Variants in FN1 observed in about 807,000 individuals in gnomAD.
The protein encoded by FN1 is fibronectin 1.
In FN1, 106 loss-of-function variants were observed where a neutral mutation model predicts 297.3. The ratio of observed to expected loss-of-function variants is 0.36; its 90% confidence interval spans 0.30 to 0.42. FN1 has a LOEUF of 0.42. Ranked by LOEUF, FN1 falls within the 10% of genes least tolerant of loss-of-function variation. The probability of loss-of-function intolerance (pLI) is 1.00; values close to 1 mark genes in which losing one functional copy is unlikely to be tolerated. For missense variants in FN1, 2,690 were observed against 3,124.9 expected (o/e 0.86, Z 3.32); for synonymous variants, 1,149 against 1,152.6 (o/e 1.00, Z 0.06).
Position 215,394,591 on chromosome 2 carries a change from C to A in FN1, c.3733G>T (p.Val1245Phe). ...DNLSPGLEYNVSVYTVKDDKE... is the reference protein window; with the variant it reads ...DNLSPGLEYNFSVYTVKDDKE... The stretch of plus-strand genomic sequence containing the variant: ...TCATCCTTGACAGTGTAAACACTGA[C>A]ATTGTACTCCAGGCCGGGACTCAGG... Residue 1245 changes from valine to phenylalanine, a missense_variant, in exon 24 of 46, where the codon GTC becomes TTC. Transcript: ENST00000354785. The A allele has an allele frequency of 6.2e-7, 1 of 1,614,092 alleles. No homozygotes were observed. The highest frequency in any genetic ancestry group is 8.5e-7 in the Non-Finnish European group (1 of 1,179,978).
intron 9 of FN1, 73 bp from the exon 10 acceptor site, chr2:215,422,316 T>C (rs2064546583): frequency 3.5e-6 from 5 of 1,426,036 alleles, no homozygotes; most frequent in East Asian, 4.5e-5. Flanking sequence ...TGCAAAAGGA[T>C]CAGTTCAGTT....
chr2:215,410,162 A>G, intron 13 of FN1, 48 bp from the exon 14 acceptor site: 1 of 1,510,174 alleles, frequency 6.6e-7, no homozygotes, highest in Non-Finnish European at 9.0e-7. Flanking sequence ...CGTGTTTACA[A>G]GGATGAACAT....
At chr2:215,376,270 C>T (rs1467537923) in intron 36 of FN1, among the ~76,000 whole-genome samples, 1 of 152,138 alleles carries the variant, frequency 6.6e-6, no homozygotes, top group Non-Finnish European at 1.5e-5. Context: ...GAAGATCAAA[C>T]TTGTTGATTG....
Position 215,378,169 on chromosome 2 carries a change from A to C in FN1, c.5710+6T>G. 1 of 1,541,136 alleles carries C rather than the reference A, an allele frequency of 6.5e-7. No homozygotes were observed. The highest frequency in any genetic ancestry group is 1.7e-5 in the Admixed American group (1 of 59,914). ...TTTGTCCATATGAAGACATTTTGTT[A>C]CTTACTCTCCAGAGTGGTGACAACT... is the stretch of plus-strand genomic sequence containing the variant. On this transcript the variant is annotated splice_donor_region_variant and intron_variant, in intron 35 of 45. Transcript: ENST00000354785.
chr2:215,361,991 C>G lies in FN1; in HGVS notation c.7340G>C (p.Arg2447Thr). 1.2e-6 allele frequency: 2 copies of G among 1,613,354 alleles called. No individual in the cohort carries two copies. Among genetic ancestry groups the G allele is most frequent in the South Asian group, 1.1e-5 (1 of 91,052 alleles). ...TACAGTGTTTGTTCTCTGATGGTATCTCTGAGAATACTGGTTGTAGGACTG... is the reference window on the plus strand; with the variant it reads ...TACAGTGTTTGTTCTCTGATGGTATGTCTGAGAATACTGGTTGTAGGACTG... ...TGQSYNQYSQRYHQRTNTNVN... is the reference protein window; with the variant it reads ...TGQSYNQYSQTYHQRTNTNVN... Residue 2447 changes from arginine to threonine, a missense_variant, in exon 45 of 46, where the codon AGA becomes ACA. Arg to Thr is a moderately conservative substitution (Grantham distance 71, BLOSUM62 -1). Coordinates refer to ENST00000354785, the MANE Select transcript of FN1 (RefSeq NM_212482.4).
chr2:215,372,114 T>C lies in FN1; in HGVS notation c.6509A>G (p.Asn2170Ser). Residue 2170 changes from asparagine to serine, a missense_variant, in exon 40 of 46, where the codon AAT becomes AGT. Physicochemically the swap from Asn to Ser is conservative, Grantham distance 46. This residue lies in a region of FN1 where 1,743 missense variants were observed against 1,945.2 expected (regional missense o/e 0.90). Coordinates refer to ENST00000354785, the MANE Select transcript of FN1 (RefSeq NM_212482.4). ...ACCAATTTGGATTTCCTCACCTACA[T>C]TCGGCGGGTATGGTCTTGGCCTATG... ...IRHRPRPYPP[N>S]VGEEIQIGHI... is the part of the protein sequence containing the mutation. The C allele has an allele frequency of 6.2e-7, 1 of 1,614,236 alleles. No individual in the cohort carries two copies. Among genetic ancestry groups the C allele is most frequent in the Non-Finnish European group, 8.5e-7 (1 of 1,180,030 alleles).
At chr2:215,363,714 G>C (rs1433350418) in intron 44 of FN1, 1 of 152,194 alleles carries the variant, frequency 6.6e-6, no homozygotes, top group Non-Finnish European at 1.5e-5. Flanking sequence ...GAGTTGCTGG[G>C]AGGGCATGTC....
At position 215,383,545 on chromosome 2, in the gene FN1, GTCC is replaced by G. The variant is rs1425021023; in HGVS notation, c.4895-65_4895-63del. 26 of 1,538,106 alleles carry G rather than the reference GTCC, an allele frequency of 1.7e-5. No individual in the cohort carries two copies. The African/African-American group carries it at 1.9e-4, about 11-fold the overall frequency. On this transcript the variant is annotated intron_variant, in intron 30 of 45. Transcript: ENST00000354785. ...AGTCCTTGGAGACAAGATTGGACAA[GTCC>G]TCCTCTCTAGGTCTGGTACATATTC... is the stretch of plus-strand genomic sequence containing the variant.
Position 215,397,770 on chromosome 2 carries a change from A to G in FN1, c.3427T>C (p.Leu1143=). 1 of 1,614,092 alleles carries G rather than the reference A, an allele frequency of 6.2e-7. No homozygotes were observed. Among genetic ancestry groups the G allele is most frequent in the Non-Finnish European group, 8.5e-7 (1 of 1,179,976 alleles). ...SDSGSIVVSG[L]TPGVEYVYTI... is the part of the protein sequence containing the mutation. Reference sequence around the variant, plus strand: ...TAGACGTATTCTACTCCTGGAGTCAAGCCGGACACAACGATGCTTCCTGAG... The same window carrying G: ...TAGACGTATTCTACTCCTGGAGTCAGGCCGGACACAACGATGCTTCCTGAG... The change falls in exon 22 of 46, where the codon TTG becomes CTG. Residue 1143 remains leucine, a synonymous_variant. Transcript: ENST00000354785.
rs567700835 is a variant in FN1, at chr2:215,409,904, T to C, written c.2122+30A>G. On this transcript the variant is annotated intron_variant, in intron 14 of 45. Coordinates refer to ENST00000354785, the MANE Select transcript of FN1 (RefSeq NM_212482.4). ...AGCCTAGCTCTAGGAACCTCGGGGG[T>C]AGGAGGCATGAGGGTGGTTGTGTAC... 1.9e-6 allele frequency: 3 copies of C among 1,612,402 alleles called. No individual in the cohort carries two copies. The South Asian group carries it at 3.3e-5, about 18-fold the overall frequency.
chr2:215,376,448 C>T, intron 36 of FN1, 50 bp downstream of exon 36: 3 of 1,525,182 alleles, frequency 2.0e-6, no homozygotes, highest in Non-Finnish European at 2.7e-6. Context: ...AGCCCGTTTA[C>T]ATTGTGGGTA....
At chr2:215,408,949 AT>A (rs2062174252) in intron 15 of FN1, among the ~76,000 whole-genome samples, 1 of 151,706 alleles carries the variant, frequency 6.6e-6, no homozygotes, top group South Asian at 2.1e-4. Context: ...TCTTCCTTTC[AT>A]TTTTCCAACT....
chr2:215,404,690 T>C, intron 19 of FN1, 35 bp from the exon 20 acceptor site: 1 of 1,589,800 alleles, frequency 6.3e-7, no homozygotes, highest in Non-Finnish European at 8.6e-7. Context: ...AAGAAATATT[T>C]AGATCAGTAA....
chr2:215,425,613 C>T (rs930807251), intron 6 of FN1, among the ~76,000 whole-genome samples: 8 of 152,066 alleles, frequency 5.3e-5, no homozygotes, highest in Non-Finnish European at 7.4e-5. Flanking sequence ...AGTGCAGTGG[C>T]GCGGTCTCGG....
chr2:215,386,862 C>G lies in FN1; in HGVS notation c.4439G>C (p.Arg1480Thr). Residue 1480 changes from arginine (R) to threonine (T), a missense_variant, in exon 28 of 46, where the codon AGG (arginine) becomes ACG (threonine). Around this residue, in one of 3 missense-constraint regions of FN1, gnomAD observed 1,743 missense variants for 1,945.2 expected, o/e 0.90. Transcript: ENST00000354785. ...GAAGTGCTCGGGATGATGGCGGATCCTGTAGCCAGTGATGGTGGCTCGAGG... is the reference window on the plus strand; with the variant it reads ...GAAGTGCTCGGGATGATGGCGGATCGTGTAGCCAGTGATGGTGGCTCGAGG... ...IAPRATITGY[R>T]IRHHPEHFSG... 1 of 1,613,884 alleles carries G rather than the reference C, an allele frequency of 6.2e-7. No individual in the cohort carries two copies. The highest frequency in any genetic ancestry group is 8.5e-7 in the Non-Finnish European group (1 of 1,179,964).
At chr2:215,427,756 A>G (rs1273394518) in intron 6 of FN1, among the ~76,000 whole-genome samples, 1 of 152,168 alleles carries the variant, frequency 6.6e-6, no homozygotes, top group Non-Finnish European at 1.5e-5. Flanking sequence ...AAAAATCCAA[A>G]TGCACTTTTT....
At chr2:215,382,835 T>TGA (rs2058398643) in intron 31 of FN1, among the ~76,000 whole-genome samples, 1 of 152,042 alleles carries the variant, frequency 6.6e-6, no homozygotes, top group African/African-American at 2.4e-5. Flanking sequence ...ACTTCTACTG[T>TGA]GAAAAGGGTT....
At chr2:215,364,096 G>A (rs998509452) in intron 44 of FN1, among the ~76,000 whole-genome samples, 1 of 152,142 alleles carries the variant, frequency 6.6e-6, no homozygotes, top group Non-Finnish European at 1.5e-5. Context: ...ACCCAGAACT[G>A]TATTTGTCAG....
In FN1 at chr2:215,364,962, C is replaced by A; in HGVS notation, c.7168G>T (p.Gly2390Trp). ...TGTTCTCCTACGTGGTATGTCTTCC[C>A]ATCATCATAACACGTTGCCTCATCT... is the stretch of plus-strand genomic sequence containing the variant. Reference protein sequence around the residue: ...DPHEATCYDDGKTYHVGEQWQ... With the variant: ...DPHEATCYDDWKTYHVGEQWQ... The change falls in exon 44 of 46, where the codon GGG becomes TGG. Residue 2390 changes from glycine to tryptophan, a missense_variant. Physicochemically the swap from Gly to Trp is radical, Grantham distance 184 (BLOSUM62 -2). Coordinates refer to ENST00000354785, the MANE Select transcript of FN1 (RefSeq NM_212482.4). 1 of 1,580,046 alleles carries A rather than the reference C, an allele frequency of 6.3e-7. No individual in the cohort carries two copies.
Sources: gnomAD v4.1 joint callset for allele counts (sites outside exome capture counted in the v4.1 genomes callset) on GRCh38, gnomAD v4.1.1 for gene constraint, gnomAD v4.1.1 regional missense constraint, MANE v1.5 for transcripts, NCBI Gene and HGNC (gene_info 2026-07-23, HGNC 2026-07-21) for gene names.